The following ZNF324B variants were observed in gnomAD, a reference collection of about 807,000 sequenced individuals.
The protein encoded by ZNF324B is zinc finger protein 324B.
ZNF324B carries 7 observed loss-of-function variants against 10.6 expected under a neutral mutation model. The observed-to-expected ratio is 0.66, with a 90% CI of 0.38 to 1.24. ZNF324B has a LOEUF of 1.24. Ranked by LOEUF, ZNF324B falls within the 50% of genes most tolerant of loss-of-function variation. The probability of loss-of-function intolerance (pLI) is 0.02; values close to 1 mark genes in which losing one functional copy is unlikely to be tolerated. For synonymous variants in ZNF324B, 316 were observed against 321.0 expected, an observed-to-expected ratio of 0.98 and a Z score of 0.17; for missense variants, 640 against 764.7, an observed-to-expected ratio of 0.84 and a Z score of 1.92.
chr19:58,421,693 A>C, the ZNF324B span, among the ~76,000 whole-genome samples: 1 of 152,208 alleles, frequency 6.6e-6, no homozygotes, highest in African/African-American at 2.4e-5. Flanking sequence ...AATTTTAAAA[A>C]TGTAATTTAT....
At chr19:58,421,005 A>G in the ZNF324B span, among the ~76,000 whole-genome samples, 3 of 149,434 alleles carry the variant, frequency 2.0e-5, no homozygotes, top group Admixed American at 6.7e-5. Flanking sequence ...CACCCAGCCT[A>G]TATACCCACT....
chr19:58,451,340 G>C (rs979657625), upstream of ZNF324B, among the ~76,000 whole-genome samples: 1 of 152,232 alleles, frequency 6.6e-6, no homozygotes, highest in Admixed American at 6.5e-5. Context: ...CTCCAGGGCT[G>C]CTTAGGTGGG....
the ZNF324B span, chr19:58,433,883 T>C: frequency 6.2e-7 from 1 of 1,613,974 alleles, no homozygotes; most frequent in African/African-American, 1.3e-5. Flanking sequence ...AAGGATTTCC[T>C]ACATTCGCTG....
the ZNF324B span, among the ~76,000 whole-genome samples, chr19:58,427,336 T>C: frequency 7.2e-5 from 7 of 97,496 alleles, no homozygotes; most frequent in East Asian, 1.7e-3. Context: ...TCTTTCTTTC[T>C]TTCTTTCTCT....
At chr19:58,430,403 A>G in the ZNF324B span, 1 of 152,250 alleles carries the variant, frequency 6.6e-6, no homozygotes, top group Non-Finnish European at 1.5e-5. Flanking sequence ...GTAATTTGTT[A>G]CACAGCAATA....
chr19:58,432,460 C>G, the ZNF324B span: 3 of 375,992 alleles, frequency 8.0e-6, no homozygotes, highest in Non-Finnish European at 1.6e-5. Context: ...TACCCAAATC[C>G]CTGGTTATTA....
At chr19:58,448,507 G>A (rs965907154), upstream of ZNF324B, among the ~76,000 whole-genome samples, 8 of 152,162 alleles carry the variant, frequency 5.3e-5, no homozygotes, top group African/African-American at 7.2e-5. Context: ...GGTGGATCAT[G>A]AGGTCAGGAG....
chr19:58,453,575 C>A, intron 1 of ZNF324B, 121 bp from the exon 2 acceptor site: 1 of 1,377,786 alleles, frequency 7.3e-7, no homozygotes, highest in Non-Finnish European at 1.0e-6. Flanking sequence ...TGAAGATAAT[C>A]TCGGGGTGGA....
rs1283346481 is a variant in ZNF324B at position 58,456,339 on chromosome 19, C to T, written c.1395C>T (p.Gly465=). 3 of 1,612,414 alleles carry T rather than the reference C, an allele frequency of 1.9e-6. No homozygotes were observed. Among genetic ancestry groups the T allele is most frequent in the East Asian group, 2.2e-5 (1 of 44,886 alleles). Residue 465 remains glycine (G), a synonymous_variant, in exon 4 of 4, where the codon GGC becomes GGT. Coordinates refer to ENST00000336614, the MANE Select transcript of ZNF324B (RefSeq NM_207395.3). The surrounding 1 kb of genome is among the most constrained non-coding windows in gnomAD (Gnocchi z 4.7). The stretch of plus-strand genomic sequence containing the variant: ...ACTGTGGCAAGGGTTTCGCCAAGGG[C>T]GCCGTGCTGCTCAGCCACCGGCGCA... ...CVDCGKGFAK[G]AVLLSHRRIH...
the ZNF324B span, chr19:58,439,922 C>T: frequency 1.6e-6 from 2 of 1,262,130 alleles, no homozygotes; most frequent in Admixed American, 2.6e-5. Context: ...GCAAAATGCG[C>T]GCAAGGCCTC....
chr19:58,443,396 A>G, the ZNF324B span: 2 of 152,260 alleles, frequency 1.3e-5, no homozygotes, highest in Admixed American at 6.5e-5. Context: ...TTTCACTGCT[A>G]CTTATCCCTG....
chr19:58,440,191 G>A, the ZNF324B span: 1 of 311,306 alleles, frequency 3.2e-6, no homozygotes, highest in Non-Finnish European at 6.0e-6. Flanking sequence ...TGACAGCTCG[G>A]ACTTGCCACT....
the ZNF324B span, chr19:58,433,694 A>T: frequency 1.9e-6 from 3 of 1,610,172 alleles, no homozygotes; most frequent in East Asian, 6.7e-5. Flanking sequence ...ATGAGAATGG[A>T]GTTTTGGCTA....
the ZNF324B span, among the ~76,000 whole-genome samples, chr19:58,446,569 TTC>T: frequency 1.7e-5 from 2 of 120,620 alleles, no homozygotes; most frequent in South Asian, 5.0e-4. Flanking sequence ...GATAATTTCT[TTC>T]TCTTTTTTTT....
chr19:58,456,094 C>T lies in ZNF324B; in HGVS notation c.1150C>T (p.Leu384=), dbSNP rs1270282257. Residue 384 remains leucine, a synonymous_variant, in exon 4 of 4, where the codon CTG becomes TTG. Coordinates refer to ENST00000336614, the MANE Select transcript of ZNF324B (RefSeq NM_207395.3). The surrounding 1 kb of genome is among the most constrained non-coding windows in gnomAD (Gnocchi z 4.7). ...CCGCCGCTTCTGCCGCAACTCGCAC[C>T]TGATCCAGCACGAGCGTACGCACAC... ...CGRRFCRNSH[L]IQHERTHTGE... 2 of 1,612,878 alleles carry T rather than the reference C, an allele frequency of 1.2e-6. No homozygotes were observed. The highest frequency in any genetic ancestry group is 3.3e-5 in the Admixed American group (2 of 60,032).
the ZNF324B span, chr19:58,445,454 A>G: frequency 5.8e-6 from 3 of 518,836 alleles, no homozygotes; most frequent in African/African-American, 5.8e-5. Context: ...CAGAAACTTC[A>G]CCCTGGAGAA....
the ZNF324B span, among the ~76,000 whole-genome samples, chr19:58,421,694 TG>T: frequency 6.6e-6 from 1 of 152,186 alleles, no homozygotes; most frequent in African/African-American, 2.4e-5. Context: ...ATTTTAAAAA[TG>T]TAATTTATAA....
the ZNF324B span, chr19:58,433,050 G>A: frequency 2.8e-6 from 1 of 353,256 alleles, no homozygotes; most frequent in Non-Finnish European, 5.2e-6. Flanking sequence ...AGGAAGGAAG[G>A]CTCAGGGTAC....
the ZNF324B span, chr19:58,435,090 C>T: frequency 1.2e-6 from 2 of 1,614,044 alleles, no homozygotes; most frequent in Non-Finnish European, 1.7e-6. Flanking sequence ...ATGGCCCACA[C>T]ATGTCACAGG....
Sources: gnomAD v4.1 joint callset for allele counts (sites outside exome capture counted in the v4.1 genomes callset) on GRCh38, gnomAD v4.1.1 for gene constraint, Gnocchi (gnomAD v3.1) non-coding constraint, MANE v1.5 for transcripts, NCBI Gene and HGNC (gene_info 2026-07-23, HGNC 2026-07-21) for gene names.